Variants in AREL1 observed in about 807,000 individuals in gnomAD.
AREL1 encodes apoptosis-resistant E3 ubiquitin protein ligase 1.
Under a neutral mutation model 99.0 loss-of-function variants are expected in AREL1, and 62 were observed. The observed-to-expected ratio is 0.63, with a 90% confidence interval of 0.51 to 0.77. The LOEUF is 0.77. Among genes scored for constraint, AREL1 ranks in the 30% least tolerant of loss-of-function variants. The pLI is 0.00. For missense variants in AREL1, 879 were observed against 1,027.6 expected (o/e 0.86, Z 1.98); for synonymous variants, 380 against 376.5 (o/e 1.01, Z -0.11).
At chr14:74,688,406 A>G (rs976195878) in intron 2 of AREL1, among the ~76,000 whole-genome samples, 12 of 152,206 alleles carry the variant, frequency 7.9e-5, no homozygotes, top group Non-Finnish European at 1.8e-4. Flanking sequence ...TGAAGCTGGC[A>G]GTAATGAGCT....
chr14:74,690,758 A>G (rs2089860772), intron 2 of AREL1, among the ~76,000 whole-genome samples: 1 of 152,200 alleles, frequency 6.6e-6, no homozygotes, highest in Admixed American at 6.5e-5. Context: ...ACCTTTATAA[A>G]TATGGCATAT....
intron 1 of AREL1, among the ~76,000 whole-genome samples, chr14:74,696,061 A>G (rs2089974066): frequency 6.6e-6 from 1 of 152,202 alleles, no homozygotes; most frequent in Non-Finnish European, 1.5e-5. Context: ...ATTCATTTAC[A>G]TATTATCTGT....
At chr14:74,701,970 G>C (rs1785045049) in intron 1 of AREL1, among the ~76,000 whole-genome samples, 1 of 152,208 alleles carries the variant, frequency 6.6e-6, no homozygotes, top group African/African-American at 2.4e-5. Flanking sequence ...CTCACATCCA[G>C]GTCACGCTGA....
intron 17 of AREL1, among the ~76,000 whole-genome samples, chr14:74,666,648 C>A (rs781329354): frequency 1.3e-5 from 2 of 151,564 alleles, no homozygotes; most frequent in Non-Finnish European, 2.9e-5. Context: ...AAAATAAATT[C>A]TATTACTCCC....
chr14:74,710,079 C>T (rs1005859118), intron 1 of AREL1, among the ~76,000 whole-genome samples: 1 of 152,190 alleles, frequency 6.6e-6, no homozygotes, highest in African/African-American at 2.4e-5. Flanking sequence ...AAAGCAATTA[C>T]TTTCTGCTCC....
At chr14:74,676,943 C>T (rs1395642904) in intron 5 of AREL1, among the ~76,000 whole-genome samples, 191 bp from the exon 6 acceptor site, 2 of 151,980 alleles carry the variant, frequency 1.3e-5, no homozygotes, top group Non-Finnish European at 1.5e-5. Flanking sequence ...ACTATAGGTG[C>T]CCGCCACCAT....
chr14:74,693,812 G>A (rs972084853), intron 1 of AREL1, among the ~76,000 whole-genome samples: 1 of 152,170 alleles, frequency 6.6e-6, no homozygotes, highest in Non-Finnish European at 1.5e-5. Flanking sequence ...AATGAGTGAA[G>A]ACCAGTAAAT....
In AREL1 at chr14:74,661,541, A is replaced by C; in HGVS notation, c.*2179T>G. On this transcript the variant is annotated 3_prime_UTR_variant, in exon 20 of 20. Coordinates refer to ENST00000356357, the MANE Select transcript of AREL1 (RefSeq NM_001039479.2). ...AATAGAAAATTGCCCAAGAAATAAC[A>C]CTCTCTCATCTCTTTGACATATTGT... 1 of 270,360 alleles carries C rather than the reference A, an allele frequency of 3.7e-6. No homozygotes were observed. Among genetic ancestry groups the C allele is most frequent in the Non-Finnish European group, 7.4e-6 (1 of 134,336 alleles). 16.7% of individuals were successfully genotyped at this position (270,360 alleles called of 1,614,324 possible). A position where few individuals can be genotyped will look rare whatever the true frequency, so the allele number is the denominator to read the frequency against.
At chr14:74,672,216 GGAC>G (rs2089364629) in intron 11 of AREL1, among the ~76,000 whole-genome samples, 1 of 152,076 alleles carries the variant, frequency 6.6e-6, no homozygotes, top group Non-Finnish European at 1.5e-5. Context: ...GAGTTCCAAG[GGAC>G]CCATTCAGTA....
Position 74,663,536 on chromosome 14 carries a change from T to G in AREL1, c.*184A>C. On this transcript the variant is annotated 3_prime_UTR_variant, in exon 20 of 20. Transcript: ENST00000356357. ...CCATGCCAAAGTGGCCTGTGGTAGA[T>G]ATGGGCAGGGAGCAGGTGAGGTAAA... 1.6e-6 allele frequency: 1 copy of G among 640,316 alleles called. No individual in the cohort carries two copies. The highest frequency in any genetic ancestry group is 2.8e-6 in the Non-Finnish European group (1 of 357,222). The allele number at this position is 640,316 out of a possible 1,614,324, so 39.7% of individuals were successfully genotyped here. A position where few individuals can be genotyped will look rare whatever the true frequency, so the allele number is the denominator to read the frequency against.
intron 2 of AREL1, among the ~76,000 whole-genome samples, chr14:74,691,364 C>T (rs1038652058): frequency 1.4e-5 from 2 of 148,064 alleles, no homozygotes; most frequent in African/African-American, 4.9e-5. Flanking sequence ...CGTCTAACTC[C>T]GAAGCTCAAT....
At position 74,713,035 on chromosome 14, in the gene AREL1, C is replaced by A; in HGVS notation, c.-436G>T. 1 of 1,209,146 alleles carries A rather than the reference C, an allele frequency of 8.3e-7. No individual in the cohort carries two copies. Among genetic ancestry groups the A allele is most frequent in the Non-Finnish European group, 1.2e-6 (1 of 817,678 alleles). The allele number at this position is 1,209,146 out of a possible 1,614,324, so 74.9% of individuals were successfully genotyped here. A position where few individuals can be genotyped will look rare whatever the true frequency, so the allele number is the denominator to read the frequency against. On this transcript the variant is annotated 5_prime_UTR_variant, in exon 1 of 20. Transcript: ENST00000356357. ...GGCTCCCCACTCTCCCACCAACAGA[C>A]CCCAGAGTTGGTCTCCACCCGGCCT... is the stretch of plus-strand genomic sequence containing the variant.
chr14:74,671,113 G>A (rs1050094781), intron 12 of AREL1, among the ~76,000 whole-genome samples: 1 of 151,986 alleles, frequency 6.6e-6, no homozygotes, highest in African/African-American at 2.4e-5. Context: ...GGAGATCCCA[G>A]GAAATGGACA....
intron 1 of AREL1, among the ~76,000 whole-genome samples, chr14:74,701,989 G>T (rs1469315422): frequency 6.6e-6 from 1 of 152,208 alleles, no homozygotes; most frequent in African/African-American, 2.4e-5. Flanking sequence ...GACACAAGAG[G>T]TGGGTTCCCA....
chr14:74,664,101 T>C, intron 18 of AREL1, 27 bp from the exon 19 acceptor site: 1 of 1,603,464 alleles, frequency 6.2e-7, no homozygotes, highest in Non-Finnish European at 8.5e-7. Context: ...AAGGCTGGGA[T>C]CACACACAGT....
chr14:74,672,227 G>A (rs1008378161), intron 11 of AREL1, among the ~76,000 whole-genome samples: 3 of 152,198 alleles, frequency 2.0e-5, no homozygotes, highest in Admixed American at 6.5e-5. Context: ...GACCCATTCA[G>A]TAGATTTGAA....
chr14:74,704,399 A>G (rs80238036), intron 1 of AREL1, among the ~76,000 whole-genome samples: 4 of 152,332 alleles, frequency 2.6e-5, no homozygotes, highest in Admixed American at 6.5e-5. Context: ...ATCAAGATGT[A>G]TACTGGCTCA....
chr14:74,706,750 AAGAC>A (rs1485329001), intron 1 of AREL1, among the ~76,000 whole-genome samples: 1 of 152,210 alleles, frequency 6.6e-6, no homozygotes, highest in Non-Finnish European at 1.5e-5. Flanking sequence ...CTTAGTAAAG[AAGAC>A]AGACAAATAA....
rs1216664164 is a variant in AREL1 at position 74,664,011 on chromosome 14, G to C, written c.2257C>G (p.Gln753Glu). ...AGCTGAGAGGAGCCTGTTGTGAACT[G>C]AAGTAGCCGAGCCAACTCCTCCTGG... is the stretch of plus-strand genomic sequence containing the variant. ...LTQEELARLL[Q>E]FTTGSSQLPP... Residue 753 changes from glutamine (Q) to glutamate (E), a missense_variant, in exon 19 of 20, where the codon CAG becomes GAG. Coordinates refer to ENST00000356357, the MANE Select transcript of AREL1 (RefSeq NM_001039479.2). 6.2e-7 allele frequency: 1 copy of C among 1,614,048 alleles called. No homozygotes were observed. Among genetic ancestry groups the C allele is most frequent in the Admixed American group, 1.7e-5 (1 of 60,002 alleles).
Sources: gnomAD v4.1 joint callset for allele counts (sites outside exome capture counted in the v4.1 genomes callset) on GRCh38, gnomAD v4.1.1 for gene constraint, MANE v1.5 for transcripts, NCBI Gene and HGNC (gene_info 2026-07-23, HGNC 2026-07-21) for gene names.